CLPB: variants seen among roughly 807,000 people sequenced by gnomAD.
The protein encoded by CLPB is mitochondrial disaggregase.
A neutral mutation model predicts 78.4 loss-of-function variants in CLPB; 40 were observed. That is an observed-to-expected ratio of 0.51 (90% CI 0.40 to 0.66). CLPB has a LOEUF of 0.66. Ranked by LOEUF, CLPB falls within the 30% of genes least tolerant of loss-of-function variation. CLPB has a pLI of 0.00. For missense variants in CLPB, 780 were observed against 886.9 expected (o/e 0.88, Z 1.53); for synonymous variants, 333 against 348.0 (o/e 0.96, Z 0.48).
rs1032143251 is a variant in CLPB, at chr11:72,368,257, A to C, written c.647-9249T>G. Among the ~76,000 whole-genome samples the C allele has an allele frequency of 3.3e-5, 5 of 152,322 alleles. No homozygotes were observed. The East Asian group carries it at 9.6e-4, about 29-fold the overall frequency. On this transcript the variant is annotated intron_variant, in intron 4 of 15. Coordinates refer to ENST00000538039, the MANE Select transcript of CLPB (RefSeq NM_001258392.3). ...CTAAATATACAACAGAACAGTAAGA[A>C]AATAATGGTTCCATTTATTGAACAC...
At chr11:72,417,895 G>A (rs144205302) in intron 2 of CLPB, among the ~76,000 whole-genome samples, 36 of 152,246 alleles carry the variant, frequency 2.4e-4, no homozygotes, top group African/African-American at 8.2e-4. Flanking sequence ...GGAATTCCGG[G>A]GGCCTCCCTC....
chr11:72,318,145 C>T (rs919160479), intron 6 of CLPB, among the ~76,000 whole-genome samples: 5 of 152,250 alleles, frequency 3.3e-5, no homozygotes, highest in African/African-American at 9.6e-5. Context: ...TCCCCAAGGA[C>T]AGGCCCTATC....
At chr11:72,415,045 A>G (rs1275614599) in intron 2 of CLPB, among the ~76,000 whole-genome samples, 1 of 152,014 alleles carries the variant, frequency 6.6e-6, no homozygotes, top group African/African-American at 2.4e-5. Context: ...GTGAAACCCT[A>G]TCTCTACTAA....
chr11:72,293,747 T>G (rs1296798533), intron 15 of CLPB, 132 bp from the exon 16 acceptor site: 2 of 1,154,500 alleles, frequency 1.7e-6, no homozygotes. Context: ...ATTTGCCAAT[T>G]GGGGCTAATA....
intron 4 of CLPB, among the ~76,000 whole-genome samples, chr11:72,371,606 G>A (rs1309110002): frequency 6.7e-6 from 1 of 150,096 alleles, no homozygotes; most frequent in Non-Finnish European, 1.5e-5. Context: ...GTGTAGAGAT[G>A]GGGTCTCACA....
At chr11:72,410,417 T>A (rs768827716) in intron 2 of CLPB, among the ~76,000 whole-genome samples, 2 of 152,148 alleles carry the variant, frequency 1.3e-5, no homozygotes, top group Non-Finnish European at 2.9e-5. Context: ...CTACTATATA[T>A]GTCACATAGG....
chr11:72,321,965 T>TGGTGGG (rs1167377341), intron 6 of CLPB, among the ~76,000 whole-genome samples: 2 of 109,604 alleles, frequency 1.8e-5, no homozygotes, highest in Non-Finnish European at 3.7e-5. Flanking sequence ...ACAGATGAGA[T>TGGTGGG]GGTGGGGGTG....
chr11:72,321,515 G>T (rs969514722), intron 6 of CLPB, among the ~76,000 whole-genome samples: 1 of 152,238 alleles, frequency 6.6e-6, no homozygotes, highest in Non-Finnish European at 1.5e-5. Context: ...AGGGCTGGGA[G>T]GCCGAGGCGA....
At chr11:72,349,938 T>C (rs1950584489) in intron 5 of CLPB, among the ~76,000 whole-genome samples, 1 of 152,244 alleles carries the variant, frequency 6.6e-6, no homozygotes, top group Non-Finnish European at 1.5e-5. Context: ...GATGAGGTCA[T>C]GCCGGATACC....
At chr11:72,299,666 A>G (rs1949619150) in intron 11 of CLPB, among the ~76,000 whole-genome samples, 1 of 152,232 alleles carries the variant, frequency 6.6e-6, no homozygotes, top group Non-Finnish European at 1.5e-5. Flanking sequence ...TCAATACAAC[A>G]TTTCCCCTGA....
rs1277330273 is a variant in CLPB, at chr11:72,434,376, G to T, written c.99C>A (p.Ser33=). 2 of 1,611,776 alleles carry T rather than the reference G, an allele frequency of 1.2e-6. No homozygotes were observed. Among genetic ancestry groups the T allele is most frequent in the African/African-American group, 2.7e-5 (2 of 74,992 alleles). Residue 33 remains serine, a synonymous_variant, in exon 1 of 16, where the codon TCC becomes TCA. Coordinates refer to ENST00000538039, the MANE Select transcript of CLPB (RefSeq NM_001258392.3). ...SPTLRGHGGA[S]GRNVTTGSLG... ...GACTCCCAGTAGTCACATTCCGGCC[G>T]GAAGCACCTCCATGGCCCCGGAGCG... is the stretch of plus-strand genomic sequence containing the variant.
chr11:72,434,364 C>T lies in CLPB; in HGVS notation c.111G>A (p.Val37=). Reference sequence around the variant, plus strand: ...GCGGCTCCCCGAGACTCCCAGTAGTCACATTCCGGCCGGAAGCACCTCCAT... The same window carrying T: ...GCGGCTCCCCGAGACTCCCAGTAGTTACATTCCGGCCGGAAGCACCTCCAT... ...RGHGGASGRN[V]TTGSLGEPQW... The change falls in exon 1 of 16, where the codon GTG becomes GTA. Residue 37 remains valine (V), a synonymous_variant. Coordinates refer to ENST00000538039, the MANE Select transcript of CLPB (RefSeq NM_001258392.3). The T allele has an allele frequency of 6.2e-7, 1 of 1,612,010 alleles. No homozygotes were observed. The highest frequency in any genetic ancestry group is 1.7e-4 in the Middle Eastern group (1 of 6,052).
At chr11:72,372,515 G>GT (rs560538711) in intron 4 of CLPB, among the ~76,000 whole-genome samples, 217 of 152,264 alleles carry the variant, frequency 1.4e-3, no homozygotes, top group African/African-American at 5.1e-3. Flanking sequence ...AAGATCTCTG[G>GT]TAGGGAGGTG....
At chr11:72,324,840 C>T (rs1333570660) in intron 6 of CLPB, among the ~76,000 whole-genome samples, 1 of 152,204 alleles carries the variant, frequency 6.6e-6, no homozygotes, top group Non-Finnish European at 1.5e-5. Flanking sequence ...GAGAGGAGCA[C>T]CCAGGCTCTC....
intron 1 of CLPB, among the ~76,000 whole-genome samples, chr11:72,431,857 G>T (rs1652530845): frequency 6.6e-6 from 1 of 152,204 alleles, no homozygotes. Context: ...TGGCAAGTCA[G>T]TTCCAGCAGG....
At position 72,434,361 on chromosome 11, in the gene CLPB, A is replaced by G. The variant is rs1590948323; in HGVS notation, c.114T>C (p.Thr38=). 1.2e-6 allele frequency: 2 copies of G among 1,612,088 alleles called. No individual in the cohort carries two copies. The highest frequency in any genetic ancestry group is 1.1e-5 in the South Asian group (1 of 90,982). The change falls in exon 1 of 16, where the codon ACT becomes ACC. Residue 38 remains threonine, a synonymous_variant. Coordinates refer to ENST00000538039, the MANE Select transcript of CLPB (RefSeq NM_001258392.3). ...GHGGASGRNV[T]TGSLGEPQWL... ...ACTGCGGCTCCCCGAGACTCCCAGT[A>G]GTCACATTCCGGCCGGAAGCACCTC... is the stretch of plus-strand genomic sequence containing the variant.
At chr11:72,422,034 A>G (rs1291916068) in intron 2 of CLPB, among the ~76,000 whole-genome samples, 3 of 152,100 alleles carry the variant, frequency 2.0e-5, no homozygotes, top group Non-Finnish European at 2.9e-5. Flanking sequence ...TTGGGAGGCC[A>G]AGGCGGGCGG....
intron 3 of CLPB, among the ~76,000 whole-genome samples, chr11:72,383,352 G>A (rs1485022375): frequency 3.3e-5 from 5 of 151,822 alleles, no homozygotes; most frequent in African/African-American, 4.8e-5. Flanking sequence ...GTGAAACCCC[G>A]TCTCTACTAA....
intron 4 of CLPB, chr11:72,372,987 T>A (rs773852268): frequency 8.7e-6 from 14 of 1,614,134 alleles, no homozygotes; most frequent in Non-Finnish European, 1.2e-5. Flanking sequence ...GTTTGTGATG[T>A]GCCGGCTTGC....
Sources: gnomAD v4.1 joint callset for allele counts (sites outside exome capture counted in the v4.1 genomes callset) on GRCh38, gnomAD v4.1.1 for gene constraint, MANE v1.5 for transcripts, NCBI Gene and HGNC (gene_info 2026-07-23, HGNC 2026-07-21) for gene names.